FLII: variants seen among roughly 807,000 people sequenced by gnomAD.
FLII encodes FLII actin remodeling protein, also known as protein flightless-1 homolog.
Under a neutral mutation model 156.2 loss-of-function variants are expected in FLII, and 101 were observed. That is an observed-to-expected ratio of 0.65 (90% CI 0.55 to 0.76). The LOEUF (loss-of-function observed/expected upper bound fraction) is 0.76, where lower values mean the gene tolerates loss of function less well. FLII is among the 30% of genes least tolerant of loss of function. The pLI is 0.00. For missense variants in FLII, 1,675 were observed against 1,682.8 expected (o/e 1.00, Z 0.08); for synonymous variants, 767 against 685.8 (o/e 1.12, Z -1.85).
chr17:18,251,510 C>CT, intron 12 of FLII, 33 bp from the exon 13 acceptor site: 2 of 1,578,392 alleles, frequency 1.3e-6, no homozygotes, highest in South Asian at 2.3e-5. Context: ...CGGCTTGACT[C>CT]TGTGAAGCCA....
Position 18,256,566 on chromosome 17 carries a change from G to A in FLII, c.206C>T (p.Thr69Ile). The A allele has an allele frequency of 1.3e-6, 2 of 1,551,738 alleles. No individual in the cohort carries two copies. The highest frequency in any genetic ancestry group is 1.7e-6 in the Non-Finnish European group (2 of 1,147,018). ...EHLSVSHNNLTTLHGELSSLP... is the reference protein window; with the variant it reads ...EHLSVSHNNLITLHGELSSLP... ...GCTGGACAGCTCCCCATGAAGCGTGGTCAGGTTGTTGTGGCTCACAGACAA... is the reference window on the plus strand; with the variant it reads ...GCTGGACAGCTCCCCATGAAGCGTGATCAGGTTGTTGTGGCTCACAGACAA... Residue 69 changes from threonine (T) to isoleucine (I), a missense_variant, in exon 3 of 30, where the codon ACC becomes ATC. Physicochemically the swap from Thr to Ile is moderately conservative, Grantham distance 89 (BLOSUM62 -1). This residue lies in a region of FLII where 343 missense variants were observed against 413.5 expected (regional missense o/e 0.83). Transcript: ENST00000327031.
chr17:18,249,313 C>A lies in FLII; in HGVS notation c.1859+13G>T. On this transcript the variant is annotated intron_variant, in intron 15 of 29. Coordinates refer to ENST00000327031, the MANE Select transcript of FLII (RefSeq NM_002018.4). ...CTCCAGGTCCATACCCCCCACTGCC[C>A]ACACACCCTCACCTGGTGACATAGT... The A allele has an allele frequency of 6.2e-7, 1 of 1,613,780 alleles. No homozygotes were observed. The highest frequency in any genetic ancestry group is 8.5e-7 in the Non-Finnish European group (1 of 1,179,628).
At chr17:18,252,609 T>TG in intron 9 of FLII, 53 bp from the exon 10 acceptor site, 1 of 1,479,288 alleles carries the variant, frequency 6.8e-7, no homozygotes, top group Non-Finnish European at 9.5e-7. Flanking sequence ...CAAGGGGAAG[T>TG]GGGCAAGAAA....
At chr17:18,250,618 C>A (rs951119885) in intron 14 of FLII, among the ~76,000 whole-genome samples, 5 of 152,216 alleles carry the variant, frequency 3.3e-5, no homozygotes, top group Non-Finnish European at 5.9e-5. Context: ...AATTCTGCCC[C>A]GCGTTCCAGA....
rs750608343 is a variant in FLII, at chr17:18,249,413, G to A, written c.1777-5C>T. 3.7e-6 allele frequency: 6 copies of A among 1,612,300 alleles called. No homozygotes were observed. The African/African-American group carries it at 5.3e-5, about 14-fold the overall frequency. The stretch of plus-strand genomic sequence containing the variant: ...GGAGATGTCGTTGTCAAACACCTGT[G>A]TGTGTGAGGGTGTGGTTCTTCATCA... On this transcript the variant is annotated splice_polypyrimidine_tract_variant and splice_region_variant and intron_variant, in intron 14 of 29. Coordinates refer to ENST00000327031, the MANE Select transcript of FLII (RefSeq NM_002018.4).
In FLII at chr17:18,248,670, G is replaced by A. The variant is rs1218990503; in HGVS notation, c.2070C>T (p.Ile690=). 1.9e-6 allele frequency: 3 copies of A among 1,614,020 alleles called. No homozygotes were observed. The highest frequency in any genetic ancestry group is 1.7e-6 in the Non-Finnish European group (2 of 1,179,928). ...NKNERKGKAE[I]TLLVQGQELP... ...GCTCCTGGCCCTGCACCAGCAGTGT[G>A]ATCTCAGCCTTCCCTTTCCGCTCAT... The change falls in exon 18 of 30, where the codon ATC becomes ATT. Residue 690 remains isoleucine (I), a synonymous_variant. Coordinates refer to ENST00000327031, the MANE Select transcript of FLII (RefSeq NM_002018.4).
chr17:18,258,968 C>T (rs1469342780), upstream of FLII: 1 of 224,202 alleles, frequency 4.5e-6, no homozygotes, highest in Non-Finnish European at 8.6e-6. The surrounding 1 kb of genome is among the most constrained non-coding windows in gnomAD (Gnocchi z 4.2). Context: ...GGGCAGGGGC[C>T]GTAACGGCCG....
intron 7 of FLII, 36 bp from the exon 8 acceptor site, chr17:18,253,755 A>G (rs761361421): frequency 6.4e-7 from 1 of 1,551,626 alleles, no homozygotes; most frequent in Admixed American, 1.9e-5. Flanking sequence ...GCTGGGGCCC[A>G]TACACCAGGT....
chr17:18,256,608 A>T lies in FLII; in HGVS notation c.175-11T>A. On this transcript the variant is annotated splice_polypyrimidine_tract_variant and intron_variant, in intron 2 of 29. Transcript: ENST00000327031. ...CACAGACAAGTGTTCCTGGGCCGGA[A>T]TGGGGAGCACAGGCTCAGCAGGGTG... The T allele has an allele frequency of 6.4e-7, 1 of 1,551,182 alleles. No individual in the cohort carries two copies. Among genetic ancestry groups the T allele is most frequent in the Non-Finnish European group, 8.7e-7 (1 of 1,146,676 alleles).
At chr17:18,246,540 A>T in intron 23 of FLII, 54 bp downstream of exon 23, 1 of 1,611,866 alleles carries the variant, frequency 6.2e-7, no homozygotes, top group Non-Finnish European at 8.5e-7. Context: ...GCTGGGTCTG[A>T]GCCCCACCAC....
intron 10 of FLII, 30 bp from the exon 11 acceptor site, chr17:18,252,176 T>C (rs757924925): frequency 3.8e-6 from 6 of 1,590,018 alleles, no homozygotes; most frequent in Admixed American, 3.3e-5. Flanking sequence ...GAGCCGGCAC[T>C]GAGCCTGGGT....
intron 16 of FLII, 109 bp downstream of exon 16, chr17:18,249,017 TG>T: frequency 1.5e-6 from 2 of 1,368,568 alleles, no homozygotes; most frequent in Admixed American, 1.7e-5. Context: ...GCCAAGCTCG[TG>T]GGCAGGAATT....
At chr17:18,249,096 A>G (rs1317366817) in intron 16 of FLII, 31 bp downstream of exon 16, 1 of 1,591,146 alleles carries the variant, frequency 6.3e-7, no homozygotes, top group East Asian at 2.2e-5. Context: ...CTGAGGATGA[A>G]GCACCCCCAC....
chr17:18,249,422 GGT>G lies in FLII; in HGVS notation c.1777-16_1777-15del. On this transcript the variant is annotated splice_polypyrimidine_tract_variant and intron_variant, in intron 14 of 29. Coordinates refer to ENST00000327031, the MANE Select transcript of FLII (RefSeq NM_002018.4). ...GTTGTCAAACACCTGTGTGTGTGAG[GGT>G]GTGGTTCTTCATCACTGAGCTGCCC... The G allele has an allele frequency of 6.2e-7, 1 of 1,611,136 alleles. No homozygotes were observed. Among genetic ancestry groups the G allele is most frequent in the Non-Finnish European group, 8.5e-7 (1 of 1,177,694 alleles).
intron 1 of FLII, among the ~76,000 whole-genome samples, chr17:18,257,833 C>CA (rs1490307433): frequency 6.6e-6 from 1 of 152,230 alleles, no homozygotes; most frequent in African/African-American, 2.4e-5. Context: ...CCGACCCTGC[C>CA]AGTCACCCAC....
chr17:18,246,519 G>A, intron 23 of FLII, 57 bp from the exon 24 acceptor site: 3 of 1,611,960 alleles, frequency 1.9e-6, no homozygotes, highest in Non-Finnish European at 2.5e-6. Context: ...CCCCTCGGGA[G>A]CCTAACCTTC....
In FLII at chr17:18,252,359, G is replaced by A. The variant is rs544486311; in HGVS notation, c.1098+113C>T. 43 of 1,050,156 alleles carry A rather than the reference G, an allele frequency of 4.1e-5. No individual in the cohort carries two copies. In the East Asian group the frequency reaches 8.7e-4, roughly 21 times the overall value. The allele number at this position is 1,050,156 out of a possible 1,614,324, so 65.1% of individuals were successfully genotyped here. A position where few individuals can be genotyped will look rare whatever the true frequency, so the allele number is the denominator to read the frequency against. Reference sequence around the variant, plus strand: ...GAGGTGGGGCCCACCTTCTCCCCACGGGCACCCTGGCACTGGCCACCTCCC... The same window carrying A: ...GAGGTGGGGCCCACCTTCTCCCCACAGGCACCCTGGCACTGGCCACCTCCC... On this transcript the variant is annotated intron_variant, in intron 10 of 29. Transcript: ENST00000327031.
Position 18,255,264 on chromosome 17 carries a change from C to T in FLII, c.247-1G>A. ...GACTGTTGGCTCGGGCCACGATGGC[C>T]TGGGAATAAACCATAAGAGTCTATA... On this transcript the variant is annotated splice_acceptor_variant, in intron 3 of 29. Coordinates refer to ENST00000327031, the MANE Select transcript of FLII (RefSeq NM_002018.4). LOFTEE classifies it high-confidence loss of function. 1 of 1,613,002 alleles carries T rather than the reference C, an allele frequency of 6.2e-7. No homozygotes were observed. The highest frequency in any genetic ancestry group is 8.5e-7 in the Non-Finnish European group (1 of 1,179,056).
At chr17:18,257,352 A>G (rs1597926983) in intron 1 of FLII, 1 of 275,052 alleles carries the variant, frequency 3.6e-6, no homozygotes, top group Non-Finnish European at 6.9e-6. Flanking sequence ...AGCATTCCAC[A>G]CTCTGACTGG....
Sources: allele counts gnomAD v4.1 joint callset (sites outside exome capture counted in the v4.1 genomes callset), GRCh38; gene constraint gnomAD v4.1.1; regional missense constraint gnomAD v4.1.1; non-coding constraint Gnocchi (gnomAD v3.1); transcripts MANE v1.5; gene names NCBI Gene and HGNC (gene_info 2026-07-23, HGNC 2026-07-21).